The following PTPN13 variants were observed in gnomAD, a reference collection of about 807,000 sequenced individuals.
PTPN13 encodes the protein tyrosine-protein phosphatase non-receptor type 13.
Under a neutral mutation model 284.0 loss-of-function variants are expected in PTPN13, and 191 were observed. The ratio of observed to expected loss-of-function variants is 0.67; its 90% confidence interval spans 0.60 to 0.76. The LOEUF is 0.76. Among genes scored for constraint, PTPN13 ranks in the 30% least tolerant of loss-of-function variants. The pLI is 0.00. For missense variants in PTPN13, 2,797 were observed against 2,939.9 expected (o/e 0.95, Z 1.12); for synonymous variants, 986 against 1,022.3 (o/e 0.96, Z 0.68).
intron 1 of PTPN13, among the ~76,000 whole-genome samples, chr4:86,625,013 T>C (rs1403939660): frequency 6.6e-6 from 1 of 152,136 alleles, no homozygotes; most frequent in Non-Finnish European, 1.5e-5. Flanking sequence ...ACTAAGCCAA[T>C]GAATGAGGCC....
chr4:86,674,836 ATAGT>A (rs1728105232), intron 3 of PTPN13, among the ~76,000 whole-genome samples: 1 of 152,188 alleles, frequency 6.6e-6, no homozygotes, highest in African/African-American at 2.4e-5. Flanking sequence ...GTATACATAT[ATAGT>A]TATTCATTTT....
intron 42 of PTPN13, among the ~76,000 whole-genome samples, chr4:86,800,237 C>A (rs770548532): frequency 3.3e-5 from 5 of 152,036 alleles, no homozygotes; most frequent in Non-Finnish European, 7.4e-5. Context: ...ATTACTGAGC[C>A]AATGGAGAAA....
intron 41 of PTPN13, among the ~76,000 whole-genome samples, chr4:86,797,859 T>C (rs1743524033): frequency 6.6e-6 from 1 of 151,922 alleles, no homozygotes; most frequent in South Asian, 2.1e-4. Flanking sequence ...TTTACAAAAA[T>C]ATATATGAGG....
chr4:86,689,843 G>T (rs1729843038), intron 5 of PTPN13: 1 of 675,446 alleles, frequency 1.5e-6, no homozygotes, highest in South Asian at 1.6e-5. Context: ...TATCTTGTTT[G>T]CCCTATCTGA....
rs1356630521 is a variant in PTPN13 at position 86,652,424 on chromosome 4, G to A, written c.115+17053G>A. Among the ~76,000 whole-genome samples the A allele has an allele frequency of 2.0e-5, 3 of 152,128 alleles. 1 individual carries two copies. In the East Asian group the frequency reaches 5.8e-4, roughly 29 times the overall value. ...CTTCCAGATTGAAGACCTCTCTTTA[G>A]CATTTTTTGTAAGGCACATCTAGTG... On this transcript the variant is annotated intron_variant, in intron 2 of 47. Coordinates refer to ENST00000411767, the MANE Select transcript of PTPN13 (RefSeq NM_080683.3).
intron 23 of PTPN13, among the ~76,000 whole-genome samples, chr4:86,761,634 A>G (rs1327896037): frequency 6.6e-6 from 1 of 152,230 alleles, no homozygotes; most frequent in Non-Finnish European, 1.5e-5. Flanking sequence ...AGAGAACTGC[A>G]TTAAACTGCA....
intron 3 of PTPN13, among the ~76,000 whole-genome samples, chr4:86,674,037 T>C (rs1413555223): frequency 6.6e-6 from 1 of 152,154 alleles, no homozygotes; most frequent in East Asian, 1.9e-4. Context: ...GGAAAAGAAC[T>C]GAAAATGGCA....
intron 20 of PTPN13, among the ~76,000 whole-genome samples, chr4:86,753,266 A>G (rs774437741): frequency 2.6e-5 from 4 of 152,156 alleles, no homozygotes; most frequent in Non-Finnish European, 4.4e-5. Context: ...GAAATGACAA[A>G]TTAGAGATAA....
intron 2 of PTPN13, among the ~76,000 whole-genome samples, chr4:86,655,481 T>C (rs1229098708): frequency 6.6e-6 from 1 of 152,190 alleles, no homozygotes; most frequent in Non-Finnish European, 1.5e-5. Flanking sequence ...TAAAGGATTT[T>C]ATTTCTCCTT....
In PTPN13 at chr4:86,684,022, T is replaced by C. The variant is rs76957643; in HGVS notation, c.295-2688T>C. Among the ~76,000 whole-genome samples, 1,130 of 152,184 alleles carry C rather than the reference T, an allele frequency of 7.4e-3. 13 individuals carry two copies. Among genetic ancestry groups the C allele is most frequent in the African/African-American group, 0.025 (1,034 of 41,524 alleles). On this transcript the variant is annotated intron_variant, in intron 3 of 47. Transcript: ENST00000411767. ...TGTCTTGAACTTCTTGCACATTTAA[T>C]TTAATTCAACAGACATGTATTGAAT...
intron 40 of PTPN13, among the ~76,000 whole-genome samples, chr4:86,794,289 C>T (rs1743051598): frequency 6.6e-6 from 1 of 152,106 alleles, no homozygotes; most frequent in African/African-American, 2.4e-5. Context: ...TGTGAACTCC[C>T]ATTCACAATT....
At chr4:86,636,069 C>G (rs542122811) in intron 2 of PTPN13, among the ~76,000 whole-genome samples, 64 of 152,158 alleles carry the variant, frequency 4.2e-4, no homozygotes, top group African/African-American at 1.5e-3. Context: ...GATTCAGTGA[C>G]TCTCTGAGAA....
At chr4:86,655,133 G>T (rs1207779235) in intron 2 of PTPN13, among the ~76,000 whole-genome samples, 2 of 152,084 alleles carry the variant, frequency 1.3e-5, no homozygotes, top group African/African-American at 4.8e-5. Flanking sequence ...GCCCATGTGT[G>T]TCTCTGCACA....
At chr4:86,718,755 G>A (rs1733314091) in intron 9 of PTPN13, among the ~76,000 whole-genome samples, 2 of 152,024 alleles carry the variant, frequency 1.3e-5, no homozygotes, top group African/African-American at 4.8e-5. Context: ...CTGGCCTAAA[G>A]GTCCACTTTT....
intron 43 of PTPN13, among the ~76,000 whole-genome samples, chr4:86,804,229 G>A (rs1744402903): frequency 6.6e-6 from 1 of 151,914 alleles, no homozygotes; most frequent in African/African-American, 2.4e-5. Flanking sequence ...ATTTAATACA[G>A]CTCCAAGAAT....
chr4:86,616,998 G>A (rs147633486), intron 1 of PTPN13, among the ~76,000 whole-genome samples: 24 of 151,162 alleles, frequency 1.6e-4, no homozygotes, highest in African/African-American at 5.6e-4. Context: ...AATCTTGTAG[G>A]GAGCTGTGAG....
intron 20 of PTPN13, among the ~76,000 whole-genome samples, chr4:86,755,997 G>A (rs1737919526): frequency 6.6e-6 from 1 of 151,260 alleles, no homozygotes; most frequent in Non-Finnish European, 1.5e-5. Flanking sequence ...TTACTGCTTG[G>A]GGTTTTGATT....
intron 10 of PTPN13, among the ~76,000 whole-genome samples, chr4:86,724,825 T>A (rs556838136): frequency 7.9e-5 from 12 of 152,198 alleles, no homozygotes; most frequent in African/African-American, 2.2e-4. Flanking sequence ...TTCTTTTTTT[T>A]TTATTATTAT....
In PTPN13 at chr4:86,794,945, G is replaced by A. The variant is rs865889060; in HGVS notation, c.6346-1929G>A. On this transcript the variant is annotated intron_variant, in intron 40 of 47. Coordinates refer to ENST00000411767, the MANE Select transcript of PTPN13 (RefSeq NM_080683.3). The stretch of plus-strand genomic sequence containing the variant: ...TGTAAGACCTAACACCATAAAAACC[G>A]TAGAAGAAAACCTAGGTGGTACTAT... Among the ~76,000 whole-genome samples the A allele has an allele frequency of 3.9e-5, 6 of 152,102 alleles. No individual in the cohort carries two copies. The South Asian group carries it at 6.2e-4, about 16-fold the overall frequency.
Sources: allele counts gnomAD v4.1 joint callset (sites outside exome capture counted in the v4.1 genomes callset), GRCh38; gene constraint gnomAD v4.1.1; transcripts MANE v1.5; gene names NCBI Gene and HGNC (gene_info 2026-07-23, HGNC 2026-07-21).